Variants in CLSTN2 observed in about 807,000 individuals in gnomAD.
CLSTN2 encodes the protein calsyntenin 2, also known as calsyntenin-2.
A neutral mutation model predicts 101.2 loss-of-function variants in CLSTN2; 48 were observed. The observed-to-expected ratio is 0.47, with a 90% CI of 0.38 to 0.60. The LOEUF (loss-of-function observed/expected upper bound fraction) is 0.60, where lower values mean the gene tolerates loss of function less well. CLSTN2 is among the 20% of genes least tolerant of loss of function. The probability of loss-of-function intolerance (pLI) is 0.00; values close to 1 mark genes in which losing one functional copy is unlikely to be tolerated. For missense variants in CLSTN2, 1,160 were observed against 1,238.2 expected, an observed-to-expected ratio of 0.94 and a Z score of 0.95; for synonymous variants, 481 against 463.6, an observed-to-expected ratio of 1.04 and a Z score of -0.48.
intron 7 of CLSTN2, 118 bp downstream of exon 7, chr3:140,459,887 G>C: frequency 8.6e-7 from 1 of 1,162,374 alleles, no homozygotes; most frequent in Non-Finnish European, 1.2e-6. Context: ...GAGCCTGAGA[G>C]GAACCCTGCC....
intron 2 of CLSTN2, among the ~76,000 whole-genome samples, chr3:140,378,963 A>G (rs1321235111): frequency 6.6e-6 from 1 of 152,122 alleles, no homozygotes; most frequent in Non-Finnish European, 1.5e-5. Flanking sequence ...GTGCAACTTA[A>G]ATCATAGCCT....
intron 2 of CLSTN2, among the ~76,000 whole-genome samples, chr3:140,176,437 A>G (rs188683680): frequency 1.3e-5 from 2 of 152,326 alleles, no homozygotes; most frequent in East Asian, 1.9e-4. Context: ...CATGTAATTG[A>G]TAAGTGGAGA....
chr3:140,479,733 GAAGA>G (rs959820690), intron 8 of CLSTN2, among the ~76,000 whole-genome samples: 15 of 152,044 alleles, frequency 9.9e-5, no homozygotes, highest in African/African-American at 3.6e-4. Context: ...AATAGAAATG[GAAGA>G]AAGAGAGCCT....
chr3:140,170,142 T>C (rs1053257035), intron 1 of CLSTN2, among the ~76,000 whole-genome samples: 1 of 152,198 alleles, frequency 6.6e-6, no homozygotes. Flanking sequence ...GATTCAGCCA[T>C]TTGATGGAGT....
intron 7 of CLSTN2, 24 bp downstream of exon 7, chr3:140,459,793 CA>C: frequency 6.4e-7 from 1 of 1,562,214 alleles, no homozygotes; most frequent in Non-Finnish European, 8.7e-7. Context: ...CCAGCCCTTC[CA>C]CCCCTCCTAC....
intron 6 of CLSTN2, chr3:140,454,783 C>A (rs1933355788): frequency 6.6e-6 from 1 of 152,240 alleles, no homozygotes; most frequent in African/African-American, 2.4e-5. Context: ...CATGGTGAAC[C>A]ACAGATGGGC....
At chr3:140,347,428 T>C (rs1411335463) in intron 2 of CLSTN2, among the ~76,000 whole-genome samples, 1 of 152,196 alleles carries the variant, frequency 6.6e-6, no homozygotes, top group Non-Finnish European at 1.5e-5. Flanking sequence ...GCTCCAGACA[T>C]TTCCAAAAGG....
chr3:140,465,062 A>G (rs1270914549), intron 7 of CLSTN2, among the ~76,000 whole-genome samples: 1 of 152,162 alleles, frequency 6.6e-6, no homozygotes, highest in African/African-American at 2.4e-5. Flanking sequence ...CATTGTATCA[A>G]TTAAGAGGCT....
At chr3:140,429,102 A>AGAT in intron 5 of CLSTN2, among the ~76,000 whole-genome samples, 1 of 152,228 alleles carries the variant, frequency 6.6e-6, no homozygotes, top group South Asian at 2.1e-4. Context: ...GCATTAGATT[A>AGAT]GCAGCAACTA....
At chr3:140,040,541 G>A (rs1027238711) in intron 1 of CLSTN2, among the ~76,000 whole-genome samples, 3 of 151,992 alleles carry the variant, frequency 2.0e-5, no homozygotes, top group Middle Eastern at 3.4e-3. Context: ...AGTGACTAAT[G>A]TCCCACAGGT....
At chr3:140,035,049 T>A (rs566045052) in intron 1 of CLSTN2, among the ~76,000 whole-genome samples, 1 of 152,342 alleles carries the variant, frequency 6.6e-6, no homozygotes, top group Non-Finnish European at 1.5e-5. Context: ...CCCGGGAACC[T>A]ACCTTTACCT....
intron 2 of CLSTN2, among the ~76,000 whole-genome samples, chr3:140,177,426 G>A (rs1054430237): frequency 2.6e-5 from 4 of 152,108 alleles, no homozygotes; most frequent in Non-Finnish European, 4.4e-5. Flanking sequence ...GCAACCTCCG[G>A]AAATGAGATT....
At chr3:140,078,731 A>C (rs2008537618) in intron 1 of CLSTN2, among the ~76,000 whole-genome samples, 2 of 152,232 alleles carry the variant, frequency 1.3e-5, no homozygotes, top group African/African-American at 4.8e-5. Flanking sequence ...TAGTATTAAC[A>C]GAGTCATGGT....
At chr3:140,285,894 C>G (rs1291086729) in intron 2 of CLSTN2, among the ~76,000 whole-genome samples, 1 of 152,146 alleles carries the variant, frequency 6.6e-6, no homozygotes, top group African/African-American at 2.4e-5. Flanking sequence ...ACAAGTAGAA[C>G]ACTCAGGTTG....
At position 140,470,056 on chromosome 3, in the gene CLSTN2, A is replaced by G. The variant is rs368328808; in HGVS notation, c.1344+3325A>G. Among the ~76,000 whole-genome samples the G allele has an allele frequency of 1.3e-3, 193 of 152,302 alleles. 11 individuals carry two copies. In the South Asian group the frequency reaches 0.038, roughly 30 times the overall value. ...CAGAACTTTCTGGCCTTGGCCAGAA[A>G]GGACTCAAGCCAGTCTAATGTATTG... On this transcript the variant is annotated intron_variant, in intron 8 of 16. Transcript: ENST00000458420.
At chr3:140,318,102 T>C (rs545250557) in intron 2 of CLSTN2, among the ~76,000 whole-genome samples, 14 of 152,158 alleles carry the variant, frequency 9.2e-5, no homozygotes, top group Non-Finnish European at 1.8e-4. Context: ...TAGCTCACAT[T>C]GTAAATGATG....
At chr3:140,488,151 G>A (rs549500667) in intron 8 of CLSTN2, among the ~76,000 whole-genome samples, 2 of 152,328 alleles carry the variant, frequency 1.3e-5, no homozygotes, top group South Asian at 2.1e-4. Flanking sequence ...GAGTTTGAGT[G>A]TAGAACAAGG....
chr3:140,440,013 AC>A (rs1482970723), intron 5 of CLSTN2, among the ~76,000 whole-genome samples: 2 of 152,256 alleles, frequency 1.3e-5, no homozygotes, highest in African/African-American at 4.8e-5. Context: ...ACAGTGATGT[AC>A]AAGTCATGCT....
intron 1 of CLSTN2, among the ~76,000 whole-genome samples, chr3:140,151,131 C>T (rs1213909198): frequency 2.0e-5 from 3 of 151,920 alleles, no homozygotes; most frequent in African/African-American, 7.3e-5. Context: ...GCTACTTGGC[C>T]TCAGAAGAAC....
Sources: gnomAD v4.1 joint callset for allele counts (sites outside exome capture counted in the v4.1 genomes callset) on GRCh38, gnomAD v4.1.1 for gene constraint, MANE v1.5 for transcripts, NCBI Gene and HGNC (gene_info 2026-07-23, HGNC 2026-07-21) for gene names.